Variants in ARPC2 observed in about 807,000 individuals in gnomAD.
ARPC2 encodes the protein actin related protein 2/3 complex subunit 2.
Under a neutral mutation model 38.6 loss-of-function variants are expected in ARPC2, and 4 were observed. The ratio of observed to expected loss-of-function variants is 0.10; its 90% CI spans 0.05 to 0.24. The LOEUF (loss-of-function observed/expected upper bound fraction) is 0.24. Ranked by LOEUF, ARPC2 falls within the 10% of genes least tolerant of loss-of-function variation. ARPC2 has a pLI of 1.00. For missense variants in ARPC2, 229 were observed against 387.3 expected (o/e 0.59, Z 3.43); for synonymous variants, 125 against 140.8 (o/e 0.89, Z 0.79).
chr2:218,228,032 G>A (rs1273068865), intron 3 of ARPC2, among the ~76,000 whole-genome samples: 1 of 152,186 alleles, frequency 6.6e-6, no homozygotes, highest in Non-Finnish European at 1.5e-5. Context: ...ATGAAATTAT[G>A]TGTTGTATCT....
chr2:218,238,765 G>C lies in ARPC2; in HGVS notation c.370G>C (p.Val124Leu). 1 of 1,613,896 alleles carries C rather than the reference G, an allele frequency of 6.2e-7. No homozygotes were observed. The highest frequency in any genetic ancestry group is 8.5e-7 in the Non-Finnish European group (1 of 1,179,964). ...GMLKRNCFASVFEKYFQFQEE... is the reference protein window; with the variant it reads ...GMLKRNCFASLFEKYFQFQEE... ...GTTGAAGCGAAATTGTTTTGCCTCTGTCTTTGAAAAATACTTCCAATTCCA... is the reference window on the plus strand; with the variant it reads ...GTTGAAGCGAAATTGTTTTGCCTCTCTCTTTGAAAAATACTTCCAATTCCA... The change falls in exon 6 of 11, where the codon GTC becomes CTC. Residue 124 changes from valine (V) to leucine (L), a missense_variant. By Grantham distance (32) the Val-to-Leu change is conservative. Transcript: ENST00000315717.
chr2:218,246,250 C>T (rs943581713), intron 8 of ARPC2, among the ~76,000 whole-genome samples: 6 of 149,924 alleles, frequency 4.0e-5, no homozygotes, highest in African/African-American at 1.2e-4. Flanking sequence ...AGGCTGGGTG[C>T]GGTGTCTCAC....
rs1211332036 is a variant in ARPC2, at chr2:218,253,962, A to G, written c.*47A>G. The G allele has an allele frequency of 3.1e-6, 5 of 1,610,436 alleles. No homozygotes were observed. The highest frequency in any genetic ancestry group is 1.7e-4 in the Middle Eastern group (1 of 5,928). ...GCGGCTGGCAACTGAAGGCTGGAAC[A>G]CTTGCTACTGGATAATCGTAGCTTT... On this transcript the variant is annotated 3_prime_UTR_variant, in exon 11 of 11. Coordinates refer to ENST00000315717, the MANE Select transcript of ARPC2 (RefSeq NM_152862.3).
At chr2:218,249,746 C>A in intron 9 of ARPC2, 75 bp from the exon 10 acceptor site, 1 of 1,419,580 alleles carries the variant, frequency 7.0e-7, no homozygotes, top group Non-Finnish European at 9.7e-7. Flanking sequence ...CCTTGATGAC[C>A]TCTCTGATGA....
chr2:218,223,599 A>G (rs951406720), intron 2 of ARPC2, among the ~76,000 whole-genome samples: 1 of 152,208 alleles, frequency 6.6e-6, no homozygotes, highest in Admixed American at 6.5e-5. Flanking sequence ...CTGGACATAT[A>G]TCATCTCAGT....
chr2:218,247,973 G>A (rs1420170266), intron 8 of ARPC2, among the ~76,000 whole-genome samples: 1 of 151,884 alleles, frequency 6.6e-6, no homozygotes, highest in Non-Finnish European at 1.5e-5. Context: ...AAAAGAAACA[G>A]GGTTTCCATG....
At chr2:218,251,509 C>T (rs1690190431) in intron 10 of ARPC2, among the ~76,000 whole-genome samples, 1 of 151,694 alleles carries the variant, frequency 6.6e-6, no homozygotes, top group South Asian at 2.1e-4. Flanking sequence ...CCGCGCCCAG[C>T]CCAGTACTCT....
intron 8 of ARPC2, among the ~76,000 whole-genome samples, chr2:218,246,930 A>G (rs544171411): frequency 7.9e-4 from 121 of 152,286 alleles, no homozygotes; most frequent in Middle Eastern, 3.4e-3. Flanking sequence ...GCAAGCCGAG[A>G]TCATCCTGCT....
chr2:218,234,827 A>G, intron 5 of ARPC2: 1 of 458,102 alleles, frequency 2.2e-6, no homozygotes, highest in South Asian at 1.5e-5. Context: ...AGTAATAAAA[A>G]TCAGACCCTT....
At chr2:218,226,908 CTAG>C in intron 3 of ARPC2, 1 of 434,388 alleles carries the variant, frequency 2.3e-6, no homozygotes, top group South Asian at 1.6e-5. Context: ...ACATGAACAG[CTAG>C]AGATGTGTTC....
intron 6 of ARPC2, 88 bp downstream of exon 6, chr2:218,238,938 T>G (rs1689843624): frequency 9.3e-7 from 1 of 1,080,004 alleles, no homozygotes. Flanking sequence ...GGTCAAACTT[T>G]CAGCTGTATT....
chr2:218,234,930 T>C (rs1412543130), intron 5 of ARPC2: 5 of 451,560 alleles, frequency 1.1e-5, no homozygotes, highest in African/African-American at 6.0e-5. Context: ...AGCTATGTTA[T>C]ACTGCTTTAA....
At chr2:218,239,530 A>T (rs899392132) in intron 7 of ARPC2, 46 bp downstream of exon 7, 115 of 1,420,086 alleles carry the variant, frequency 8.1e-5, no homozygotes, top group Non-Finnish European at 1.1e-4. Context: ...GGCGACTTAT[A>T]CCTTTGCACC....
At position 218,245,793 on chromosome 2, in the gene ARPC2, T is replaced by C. The variant is rs545388465; in HGVS notation, c.676+247T>C. Among the ~76,000 whole-genome samples, 64 of 152,294 alleles carry C rather than the reference T, an allele frequency of 4.2e-4. 1 individual carries two copies. Among genetic ancestry groups the C allele is most frequent in the Non-Finnish European group, 5.6e-4 (38 of 68,026 alleles). On this transcript the variant is annotated intron_variant, in intron 8 of 10. Coordinates refer to ENST00000315717, the MANE Select transcript of ARPC2 (RefSeq NM_152862.3). ...CCCCATTTTTCTTAAATCTTAAAAATAAGACTGAATTCTGATATCAAGAGT... is the reference window on the plus strand; with the variant it reads ...CCCCATTTTTCTTAAATCTTAAAAACAAGACTGAATTCTGATATCAAGAGT...
chr2:218,250,729 G>A (rs77850647), intron 10 of ARPC2, among the ~76,000 whole-genome samples: 9 of 152,052 alleles, frequency 5.9e-5, no homozygotes, highest in Middle Eastern at 3.4e-3. Context: ...CAGGAAAGGC[G>A]AGCATGGCCT....
chr2:218,232,718 T>C (rs62182793), intron 4 of ARPC2, among the ~76,000 whole-genome samples: 138,205 of 151,906 alleles, frequency 0.91, 64,174 homozygotes, highest in East Asian at 1. Flanking sequence ...TACAGGCGCC[T>C]GCCACCATGC....
intron 9 of ARPC2, 172 bp downstream of exon 9, chr2:218,249,636 C>A (rs373707566): frequency 2.5e-4 from 182 of 737,692 alleles, no homozygotes; most frequent in Admixed American, 3.8e-4. Flanking sequence ...TGTCCCCCAT[C>A]CCTCCCTATA....
At chr2:218,234,602 T>C in intron 5 of ARPC2, 1 of 578,090 alleles carries the variant, frequency 1.7e-6, no homozygotes, top group Non-Finnish European at 3.1e-6. Context: ...AGGTACAAAA[T>C]TGATGTGTGA....
chr2:218,227,977 A>G (rs1689543495), intron 3 of ARPC2, among the ~76,000 whole-genome samples: 1 of 152,238 alleles, frequency 6.6e-6, no homozygotes, highest in African/African-American at 2.4e-5. Flanking sequence ...TTTTTTAACA[A>G]ATAGTCTTCT....
Sources: allele counts gnomAD v4.1 joint callset (sites outside exome capture counted in the v4.1 genomes callset), GRCh38; gene constraint gnomAD v4.1.1; transcripts MANE v1.5; gene names NCBI Gene and HGNC (gene_info 2026-07-23, HGNC 2026-07-21).